The following POT1 variants were observed in gnomAD, a reference collection of about 807,000 sequenced individuals.
The protein encoded by POT1 is protection of telomeres 1, also known as protection of telomeres protein 1.
In POT1, 47 loss-of-function variants were observed where a neutral mutation model predicts 78.5. The observed-to-expected ratio is 0.60, with a 90% CI of 0.47 to 0.76. The LOEUF (loss-of-function observed/expected upper bound fraction) is 0.76, where lower values mean the gene tolerates loss of function less well. POT1 is among the 30% of genes least tolerant of loss of function. The pLI, the probability that POT1 is intolerant of heterozygous loss-of-function variation, is 0.00. For synonymous variants in POT1, 259 were observed against 260.7 expected (o/e 0.99, Z 0.06); for missense variants, 646 against 749.9 (o/e 0.86, Z 1.62).
Position 124,871,158 on chromosome 7 carries a change from A to G in POT1, c.125-117T>C, listed in dbSNP as rs1279151285. 5 of 851,090 alleles carry G rather than the reference A, an allele frequency of 5.9e-6. No individual in the cohort carries two copies. In the East Asian group the frequency reaches 9.2e-5, roughly 16 times the overall value. The allele number at this position is 851,090 out of a possible 1,614,324, so 52.7% of individuals were successfully genotyped here. A position where few individuals can be genotyped will look rare whatever the true frequency, so the allele number is the denominator to read the frequency against. On this transcript the variant is annotated intron_variant, in intron 6 of 18. Coordinates refer to ENST00000357628, the MANE Select transcript of POT1 (RefSeq NM_015450.3). ...TTCTTCCTTTTAATTAAGTCTTCTA[A>G]GAGGATTAAAACAGAGACATTTTCT...
intron 13 of POT1, 85 bp from the exon 14 acceptor site, chr7:124,841,263 G>C (rs1795022052): frequency 2.8e-6 from 3 of 1,079,710 alleles, no homozygotes; most frequent in Non-Finnish European, 4.1e-6. Context: ...AAATTAAAAA[G>C]TATCATTCTT....
chr7:124,877,918 A>T (rs66480671), intron 6 of POT1, among the ~76,000 whole-genome samples: 1 of 150,392 alleles, frequency 6.6e-6, no homozygotes, highest in African/African-American at 2.5e-5. Context: ...TGTTGTTTCA[A>T]GTGACGGAGC....
intron 14 of POT1, among the ~76,000 whole-genome samples, chr7:124,838,560 A>T (rs1314679973): frequency 6.6e-6 from 1 of 152,114 alleles, no homozygotes; most frequent in Non-Finnish European, 1.5e-5. Flanking sequence ...CGTCAATAAC[A>T]TCAAGTTGTT....
intron 2 of POT1, among the ~76,000 whole-genome samples, chr7:124,919,483 T>G (rs546879519): frequency 5.9e-5 from 9 of 152,260 alleles, no homozygotes; most frequent in African/African-American, 2.2e-4. Flanking sequence ...TTTGACTGTA[T>G]TTGGAGACAG....
intron 15 of POT1, among the ~76,000 whole-genome samples, chr7:124,832,242 A>G (rs1794781596): frequency 8.2e-6 from 1 of 121,710 alleles, no homozygotes; most frequent in South Asian, 2.9e-4. Flanking sequence ...TATCAGAATG[A>G]CACTGTCTCC....
chr7:124,927,703 T>A lies in POT1; in HGVS notation c.-227+1112A>T, dbSNP rs372766711. 5.9e-5 allele frequency among the ~76,000 whole-genome samples: 9 copies of A among 152,146 alleles called. No homozygotes were observed. The East Asian group carries it at 1.4e-3, about 23-fold the overall frequency. On this transcript the variant is annotated intron_variant, in intron 2 of 18. Coordinates refer to ENST00000357628, the MANE Select transcript of POT1 (RefSeq NM_015450.3). ...TCCCTTTGGGCTTCAAACTCCCCAA[T>A]CCACTTGCCTACTGCACACTACTAT...
At chr7:124,924,047 A>G (rs1797214871) in intron 2 of POT1, among the ~76,000 whole-genome samples, 1 of 151,456 alleles carries the variant, frequency 6.6e-6, no homozygotes, top group Non-Finnish European at 1.5e-5. Context: ...AAATTAACAC[A>G]CTAGCATCAC....
intron 3 of POT1, among the ~76,000 whole-genome samples, chr7:124,902,217 A>G (rs986981589): frequency 1.2e-4 from 18 of 152,134 alleles, no homozygotes; most frequent in African/African-American, 4.3e-4. Context: ...CTCAAGACAC[A>G]TAACTGTCAG....
intron 7 of POT1, among the ~76,000 whole-genome samples, chr7:124,867,255 T>A (rs1795750989): frequency 6.6e-6 from 1 of 151,604 alleles, no homozygotes; most frequent in Admixed American, 6.6e-5. Flanking sequence ...AAAGAATATC[T>A]TTGCCTTCAT....
chr7:124,862,574 A>T (rs1348705225), intron 8 of POT1, among the ~76,000 whole-genome samples: 1 of 152,166 alleles, frequency 6.6e-6, no homozygotes, highest in Admixed American at 6.5e-5. Context: ...TTATTCAATG[A>T]TTTCTAACTT....
chr7:124,875,045 T>A (rs762522318), intron 6 of POT1, among the ~76,000 whole-genome samples: 8 of 152,134 alleles, frequency 5.3e-5, no homozygotes, highest in African/African-American at 1.9e-4. Context: ...GGCTCCAGTT[T>A]TAGGTTTTAA....
At chr7:124,875,967 G>A (rs183109537) in intron 6 of POT1, among the ~76,000 whole-genome samples, 4 of 152,260 alleles carry the variant, frequency 2.6e-5, no homozygotes, top group African/African-American at 7.2e-5. Flanking sequence ...TATAAATAAA[G>A]GTAGTGGAAA....
intron 14 of POT1, among the ~76,000 whole-genome samples, chr7:124,838,748 G>A (rs1181599890): frequency 6.6e-6 from 1 of 152,072 alleles, no homozygotes; most frequent in Non-Finnish European, 1.5e-5. Context: ...TGGGATTACA[G>A]GTATGCACCA....
chr7:124,855,195 A>G, intron 9 of POT1, among the ~76,000 whole-genome samples: 1 of 145,806 alleles, frequency 6.9e-6, no homozygotes, highest in East Asian at 2.0e-4. Flanking sequence ...ACAAACCTAC[A>G]TATGGAGACA....
intron 9 of POT1, among the ~76,000 whole-genome samples, chr7:124,853,863 T>C (rs767775449): frequency 6.6e-6 from 1 of 152,056 alleles, no homozygotes; most frequent in African/African-American, 2.4e-5. Context: ...ATGAGAGAGA[T>C]GCAGAATGCT....
At position 124,824,076 on chromosome 7, in the gene POT1, TACAAAA is replaced by T. The variant is rs746035349; in HGVS notation, c.1793-8_1793-3del. ...AGCATTCCAACCACGGATATGCATC[TACAAAA>T]ACAAAAACAAAAAAAGCGATTTAAC... On this transcript the variant is annotated splice_region_variant and splice_polypyrimidine_tract_variant and intron_variant, in intron 18 of 18. Coordinates refer to ENST00000357628, the MANE Select transcript of POT1 (RefSeq NM_015450.3). 6.4e-6 allele frequency: 10 copies of T among 1,563,830 alleles called. No individual in the cohort carries two copies. The South Asian group carries it at 1.2e-4, about 18-fold the overall frequency.
At chr7:124,843,228 A>T (rs563158576) in intron 12 of POT1, 2 of 248,094 alleles carry the variant, frequency 8.1e-6, no homozygotes, top group African/African-American at 4.4e-5. Flanking sequence ...ACTGCCTAGT[A>T]AGCATTCAAA....
At chr7:124,870,608 A>G (rs1358579755) in intron 7 of POT1, among the ~76,000 whole-genome samples, 1 of 152,158 alleles carries the variant, frequency 6.6e-6, no homozygotes, top group East Asian at 1.9e-4. Flanking sequence ...TTCTTTATCA[A>G]AATCTACAGA....
chr7:124,850,941 C>T (rs1275018836), intron 11 of POT1, among the ~76,000 whole-genome samples: 1 of 150,212 alleles, frequency 6.7e-6, no homozygotes, highest in African/African-American at 2.4e-5. Flanking sequence ...AGAAACATGA[C>T]CTAGATTCTA....
Sources: gnomAD v4.1 joint callset for allele counts (sites outside exome capture counted in the v4.1 genomes callset) on GRCh38, gnomAD v4.1.1 for gene constraint, MANE v1.5 for transcripts, NCBI Gene and HGNC (gene_info 2026-07-23, HGNC 2026-07-21) for gene names.